The following SOX5 variants were observed in gnomAD, a reference collection of about 807,000 sequenced individuals.
SOX5 encodes the protein transcription factor SOX-5.
Under a neutral mutation model 92.0 loss-of-function variants are expected in SOX5, and 9 were observed. That is an observed-to-expected ratio of 0.10 (90% CI 0.06 to 0.17). The LOEUF (loss-of-function observed/expected upper bound fraction) is 0.17, where lower values mean the gene tolerates loss of function less well. Among genes scored for constraint, SOX5 ranks in the 10% least tolerant of loss-of-function variants. SOX5 has a pLI of 1.00. For synonymous variants in SOX5, 344 were observed against 336.3 expected, an observed-to-expected ratio of 1.02 and a Z score of -0.25; for missense variants, 642 against 944.5, an observed-to-expected ratio of 0.68 and a Z score of 4.20.
At chr12:23,845,919 AATTAAAATCAAAGT>A (rs1276589339) in intron 3 of SOX5, 50 bp downstream of exon 3, 2 of 1,306,434 alleles carry the variant, frequency 1.5e-6, no homozygotes, top group Non-Finnish European at 2.2e-6. Flanking sequence ...CAAATCAAGA[AATTAAAATCAAAGT>A]ATTAAAATCA....
chr12:23,753,207 C>A (rs1456192272), intron 4 of SOX5, among the ~76,000 whole-genome samples: 2 of 151,632 alleles, frequency 1.3e-5, no homozygotes, highest in African/African-American at 4.8e-5. Flanking sequence ...CTTCTCTAAA[C>A]CCTTCCAAGC....
At chr12:24,319,747 T>C (rs1950036182) in intron 2 of SOX5, among the ~76,000 whole-genome samples, 2 of 152,202 alleles carry the variant, frequency 1.3e-5, no homozygotes, top group East Asian at 1.9e-4. Flanking sequence ...CTTTTCATTA[T>C]GGAGAAGCTA....
At chr12:23,654,598 C>T (rs989085584) in intron 7 of SOX5, among the ~76,000 whole-genome samples, 4 of 152,040 alleles carry the variant, frequency 2.6e-5, no homozygotes, top group Non-Finnish European at 4.4e-5. Context: ...CTTTTTTCCT[C>T]ATTATAAGTA....
intron 1 of SOX5, among the ~76,000 whole-genome samples, chr12:24,534,228 A>G (rs149675067): frequency 2.4e-3 from 360 of 152,060 alleles, no homozygotes; most frequent in African/African-American, 8.4e-3. Flanking sequence ...CAAAAGCTGC[A>G]GTTGAGGGTT....
intron 1 of SOX5, among the ~76,000 whole-genome samples, chr12:24,384,850 T>C (rs995154111): frequency 4.6e-5 from 7 of 152,126 alleles, no homozygotes. Context: ...AACCATTTAC[T>C]GGAAACAAGG....
At chr12:24,442,642 T>C (rs1270559897) in intron 1 of SOX5, among the ~76,000 whole-genome samples, 1 of 152,206 alleles carries the variant, frequency 6.6e-6, no homozygotes, top group Non-Finnish European at 1.5e-5. Context: ...GTCATTGATT[T>C]AACTGAGCAG....
rs545192048 is a variant in SOX5 at position 24,076,346 on chromosome 12, C to T, written c.-2+136997G>A. 6.6e-5 allele frequency among the ~76,000 whole-genome samples: 10 copies of T among 152,270 alleles called. No homozygotes were observed. In the South Asian group the frequency reaches 2.1e-3, roughly 32 times the overall value. ...AAAGACTTGGCAAGCCCTCCATGCTCTCATTTACTTACTCTCTATTATCTA... is the reference window on the plus strand; with the variant it reads ...AAAGACTTGGCAAGCCCTCCATGCTTTCATTTACTTACTCTCTATTATCTA... On this transcript the variant is annotated intron_variant, in intron 4 of 4. Transcript: ENST00000446891.
chr12:24,015,797 G>C (rs1953525797), intron 4 of SOX5, among the ~76,000 whole-genome samples: 1 of 152,100 alleles, frequency 6.6e-6, no homozygotes, highest in Admixed American at 6.6e-5. Flanking sequence ...AGGACAGCTA[G>C]TTAATGAAAT....
intron 9 of SOX5, among the ~76,000 whole-genome samples, chr12:23,595,378 T>G (rs1349167387): frequency 6.6e-6 from 1 of 152,004 alleles, no homozygotes; most frequent in Non-Finnish European, 1.5e-5. Context: ...ATCCCAGCAC[T>G]TTGGGAGGCC....
At chr12:23,612,343 G>A (rs1230204894) in intron 8 of SOX5, among the ~76,000 whole-genome samples, 1 of 152,082 alleles carries the variant, frequency 6.6e-6, no homozygotes, top group Non-Finnish European at 1.5e-5. Context: ...TGTGACCAAT[G>A]AGATTGTTTA....
At chr12:24,401,497 G>C (rs1467893389) in intron 1 of SOX5, among the ~76,000 whole-genome samples, 1 of 151,776 alleles carries the variant, frequency 6.6e-6, no homozygotes, top group East Asian at 1.9e-4. Context: ...ATCACTCGAG[G>C]CCAGGAGTTT....
chr12:24,376,690 CTTTTTTTTTTTTTTTT>C (rs1164391418), intron 1 of SOX5, among the ~76,000 whole-genome samples: 1,647 of 70,464 alleles, frequency 0.023, 30 homozygotes, highest in Non-Finnish European at 0.032. Context: ...GGAGAGATAC[CTTTTTTTTTTTTTTTT>C]TTTTTTTTTT....
At chr12:23,962,074 A>G (rs1031991331) in intron 4 of SOX5, among the ~76,000 whole-genome samples, 2 of 152,216 alleles carry the variant, frequency 1.3e-5, no homozygotes, top group Non-Finnish European at 2.9e-5. Flanking sequence ...GAGGTTTCCA[A>G]TGCAGAGATG....
chr12:23,719,586 C>A (rs899701437), intron 6 of SOX5, among the ~76,000 whole-genome samples: 1 of 151,772 alleles, frequency 6.6e-6, no homozygotes, highest in African/African-American at 2.4e-5. Flanking sequence ...CCCATCTCTA[C>A]AAAACATATA....
intron 6 of SOX5, among the ~76,000 whole-genome samples, chr12:23,672,959 AT>A (rs2085035809): frequency 6.6e-6 from 1 of 152,164 alleles, no homozygotes; most frequent in Admixed American, 6.6e-5. Context: ...TATACATTAA[AT>A]TCATATCAAA....
rs1454321179 is a variant in SOX5, at chr12:24,537,652, G to A, written c.-251+24677C>T. Among the ~76,000 whole-genome samples, 4 of 152,308 alleles carry A rather than the reference G, an allele frequency of 2.6e-5. No homozygotes were observed. The East Asian group carries it at 5.8e-4, about 22-fold the overall frequency. On this transcript the variant is annotated intron_variant, in intron 1 of 4. Coordinates refer to the SOX5 transcript ENST00000446891. The stretch of plus-strand genomic sequence containing the variant: ...TAGGTTATCTAGCTATCATCTGAAT[G>A]CCAGCTACTGAGAATAAATCTCTTA...
chr12:23,762,416 A>C (rs774570923), intron 3 of SOX5: 1 of 382,360 alleles, frequency 2.6e-6, no homozygotes, highest in Non-Finnish European at 4.6e-6. Flanking sequence ...CCTCTAAAAA[A>C]TTCGTAATAT....
At chr12:23,952,730 AAC>A (rs1945815495), upstream of SOX5, among the ~76,000 whole-genome samples, 4 of 152,172 alleles carry the variant, frequency 2.6e-5, no homozygotes, top group Non-Finnish European at 5.9e-5. Flanking sequence ...GAACTAATGG[AAC>A]TCTAAGATCA....
intron 2 of SOX5, among the ~76,000 whole-genome samples, chr12:23,863,839 C>T (rs1403605460): frequency 1.5e-5 from 2 of 133,430 alleles, no homozygotes; most frequent in Non-Finnish European, 3.3e-5. Context: ...CACACACACA[C>T]ACTCTGAAAT....
Sources: gnomAD v4.1 joint callset for allele counts (sites outside exome capture counted in the v4.1 genomes callset) on GRCh38, gnomAD v4.1.1 for gene constraint, MANE v1.5 for transcripts, NCBI Gene and HGNC (gene_info 2026-07-23, HGNC 2026-07-21) for gene names.